The following TBC1D9 variants were observed in gnomAD, a reference collection of about 807,000 sequenced individuals.
TBC1D9 encodes the protein TBC1 domain family member 9.
A neutral mutation model predicts 132.0 loss-of-function variants in TBC1D9; 63 were observed. That is an observed-to-expected ratio of 0.48 (90% confidence interval 0.39 to 0.59). The LOEUF (loss-of-function observed/expected upper bound fraction) is 0.59, where lower values mean the gene tolerates loss of function less well. Among genes scored for constraint, TBC1D9 ranks in the 20% least tolerant of loss-of-function variants. The pLI, the probability that TBC1D9 is intolerant of heterozygous loss-of-function variation, is 0.00. For missense variants in TBC1D9, 1,261 were observed against 1,592.7 expected, an observed-to-expected ratio of 0.79 and a Z score of 3.54; for synonymous variants, 610 against 609.9, an observed-to-expected ratio of 1.00 and a Z score of 0.00.
intron 9 of TBC1D9, among the ~76,000 whole-genome samples, chr4:140,662,542 C>A (rs955260643): frequency 1.3e-5 from 2 of 152,232 alleles, no homozygotes; most frequent in African/African-American, 4.8e-5. Flanking sequence ...ATAGGAGGTT[C>A]TGTCTCTCAA....
chr4:140,722,776 A>G (rs990603247), intron 1 of TBC1D9, among the ~76,000 whole-genome samples: 1 of 152,122 alleles, frequency 6.6e-6, no homozygotes, highest in Non-Finnish European at 1.5e-5. Flanking sequence ...GACTCTCATC[A>G]CTACTTTGTC....
At chr4:140,676,857 A>G in intron 6 of TBC1D9, 37 bp downstream of exon 6, 2 of 1,606,680 alleles carry the variant, frequency 1.2e-6, no homozygotes, top group Non-Finnish European at 1.7e-6. Context: ...AGTATTACAA[A>G]TGAAACTTAA....
chr4:140,737,899 C>T (rs992980960), intron 1 of TBC1D9, among the ~76,000 whole-genome samples: 3 of 152,158 alleles, frequency 2.0e-5, no homozygotes, highest in Non-Finnish European at 4.4e-5. Context: ...AATACACCTT[C>T]ACAGTTAATT....
intron 6 of TBC1D9, among the ~76,000 whole-genome samples, chr4:140,671,944 C>A (rs1737544984): frequency 2.6e-5 from 4 of 152,122 alleles, no homozygotes. Context: ...ATTTCTACTG[C>A]AAGCAGTCTA....
chr4:140,684,333 A>G (rs960362207), intron 3 of TBC1D9, among the ~76,000 whole-genome samples: 1 of 152,138 alleles, frequency 6.6e-6, no homozygotes, highest in African/African-American at 2.4e-5. Context: ...ATCTGTAGTT[A>G]ACTATTACAT....
chr4:140,744,503 A>T (rs1738808199), intron 1 of TBC1D9, among the ~76,000 whole-genome samples: 1 of 152,200 alleles, frequency 6.6e-6, no homozygotes, highest in South Asian at 2.1e-4. Context: ...GAGATTAGCT[A>T]GGTGTCTAGC....
chr4:140,635,207 A>C (rs1189809930), intron 15 of TBC1D9, among the ~76,000 whole-genome samples: 1 of 152,156 alleles, frequency 6.6e-6, no homozygotes, highest in African/African-American at 2.4e-5. Context: ...GGCCAGGTGC[A>C]GTGGCTCATT....
chr4:140,684,808 C>A (rs1427355092), intron 3 of TBC1D9, among the ~76,000 whole-genome samples: 1 of 151,186 alleles, frequency 6.6e-6, no homozygotes, highest in African/African-American at 2.4e-5. Flanking sequence ...CTAGCCTGGG[C>A]AACAAGAGTG....
At position 140,670,728 on chromosome 4, in the gene TBC1D9, C is replaced by T. The variant is rs1421909111; in HGVS notation, c.1258G>A (p.Asp420Asn). The change falls in exon 7 of 21, where the codon GAT (aspartate) becomes AAT (asparagine). Residue 420 changes from aspartate to asparagine, a missense_variant. Asp to Asn is a conservative substitution (Grantham distance 23). Around this residue, in one of 3 missense-constraint regions of TBC1D9, gnomAD observed 550 missense variants for 699.0 expected, o/e 0.79. Transcript: ENST00000442267. ...KEFAGSYNSS[D>N]DEVYSRPSSL... is the part of the protein sequence containing the mutation. ...AGGTGTCTCCCACAGACCTCATCAT[C>T]TGAACTGTTGTAACTTCCTGCAAAC... is the stretch of plus-strand genomic sequence containing the variant. 2 of 1,613,616 alleles carry T rather than the reference C, an allele frequency of 1.2e-6. No individual in the cohort carries two copies. The highest frequency in any genetic ancestry group is 1.7e-6 in the Non-Finnish European group (2 of 1,179,870).
intron 1 of TBC1D9, among the ~76,000 whole-genome samples, chr4:140,721,910 G>T (rs1232222116): frequency 6.6e-6 from 1 of 151,918 alleles, no homozygotes; most frequent in Admixed American, 6.6e-5. Flanking sequence ...TGCTCATCTC[G>T]GCCTAGACCT....
intron 11 of TBC1D9, 28 bp from the exon 12 acceptor site, chr4:140,657,840 GCAGCTTAGCCAA>G: frequency 6.3e-7 from 1 of 1,591,416 alleles, no homozygotes; most frequent in Non-Finnish European, 8.5e-7. Context: ...ACAAAAAGGC[GCAGCTTAGCCAA>G]CTACACAGTG....
intron 1 of TBC1D9, among the ~76,000 whole-genome samples, chr4:140,724,316 A>T (rs1300982318): frequency 6.6e-6 from 1 of 152,202 alleles, no homozygotes; most frequent in African/African-American, 2.4e-5. Context: ...TTCAATAGGC[A>T]ACTGGATATA....
chr4:140,650,944 A>AG (rs533051991), intron 13 of TBC1D9, among the ~76,000 whole-genome samples: 63 of 152,226 alleles, frequency 4.1e-4, no homozygotes, highest in Non-Finnish European at 7.6e-4. Flanking sequence ...AGCCACATGT[A>AG]GCAAGTGGGA....
At chr4:140,669,959 T>C (rs1384938378) in intron 7 of TBC1D9, among the ~76,000 whole-genome samples, 155 bp from the exon 8 acceptor site, 3 of 152,236 alleles carry the variant, frequency 2.0e-5, no homozygotes, top group African/African-American at 7.2e-5. Flanking sequence ...CAAGCCATCA[T>C]TTTGGCAGGG....
chr4:140,630,667 G>A (rs1237104442), intron 16 of TBC1D9, among the ~76,000 whole-genome samples: 2 of 152,064 alleles, frequency 1.3e-5, no homozygotes, highest in African/African-American at 2.4e-5. Context: ...GCCAAACCTG[G>A]GTTCAGTTAT....
chr4:140,622,139 A>T lies in TBC1D9; in HGVS notation c.*56T>A. 6.6e-7 allele frequency: 1 copy of T among 1,507,138 alleles called. No individual in the cohort carries two copies. Among genetic ancestry groups the T allele is most frequent in the Non-Finnish European group, 8.9e-7 (1 of 1,127,458 alleles). 93.4% of individuals were successfully genotyped at this position (1,507,138 alleles called of 1,614,324 possible). ...AGAAAGAAAAAACTCAACACAGAAGAACATAAAAAATCCCTCCCCTCCCTC... is the reference window on the plus strand; with the variant it reads ...AGAAAGAAAAAACTCAACACAGAAGTACATAAAAAATCCCTCCCCTCCCTC... On this transcript the variant is annotated 3_prime_UTR_variant, in exon 21 of 21. Transcript: ENST00000442267.
intron 1 of TBC1D9, among the ~76,000 whole-genome samples, chr4:140,726,351 T>C (rs1034234012): frequency 6.6e-6 from 1 of 152,200 alleles, no homozygotes; most frequent in African/African-American, 2.4e-5. Context: ...ATACATTCTT[T>C]GTTGAGAACA....
intron 3 of TBC1D9, among the ~76,000 whole-genome samples, chr4:140,680,530 G>C (rs543471880): frequency 4.6e-5 from 7 of 152,138 alleles, no homozygotes; most frequent in African/African-American, 1.7e-4. Context: ...CTGAAAATTG[G>C]CTTCTACATA....
intron 1 of TBC1D9, among the ~76,000 whole-genome samples, chr4:140,743,365 C>T (rs191038286): frequency 1.1e-3 from 174 of 152,284 alleles, no homozygotes; most frequent in Admixed American, 2.9e-3. Flanking sequence ...TTTTACATGA[C>T]TTATCTCAGA....
Sources: allele counts gnomAD v4.1 joint callset (sites outside exome capture counted in the v4.1 genomes callset), GRCh38; gene constraint gnomAD v4.1.1; regional missense constraint gnomAD v4.1.1; transcripts MANE v1.5; gene names NCBI Gene and HGNC (gene_info 2026-07-23, HGNC 2026-07-21).